UPP2: variants seen among roughly 807,000 people sequenced by gnomAD.
The protein encoded by UPP2 is uridine phosphorylase 2.
Under a neutral mutation model 26.7 loss-of-function variants are expected in UPP2, and 23 were observed. The ratio of observed to expected loss-of-function variants is 0.86; its 90% CI spans 0.62 to 1.22. The LOEUF (loss-of-function observed/expected upper bound fraction) is 1.22. Among genes scored for constraint, UPP2 ranks in the 50% most tolerant of loss-of-function variants. The probability of loss-of-function intolerance (pLI) is 0.00; values close to 1 mark genes in which losing one functional copy is unlikely to be tolerated. For synonymous variants in UPP2, 127 were observed against 141.3 expected (o/e 0.90, Z 0.72); for missense variants, 387 against 396.7 (o/e 0.98, Z 0.21).
chr2:158,017,966 C>A (rs4664919), intron 3 of UPP2, among the ~76,000 whole-genome samples: 73,509 of 152,124 alleles, frequency 0.48, 20,580 homozygotes, highest in Admixed American at 0.68. Context: ...TATGCATACA[C>A]AATGAATACA....
At chr2:158,103,154 A>G (rs1022453404) in intron 1 of UPP2, among the ~76,000 whole-genome samples, 6 of 152,172 alleles carry the variant, frequency 3.9e-5, no homozygotes, top group Non-Finnish European at 8.8e-5. Context: ...ATCCCAAACA[A>G]GTTTTTTCTT....
intron 3 of UPP2, among the ~76,000 whole-genome samples, chr2:158,047,220 G>A (rs184697284): frequency 5.3e-5 from 8 of 152,252 alleles, no homozygotes; most frequent in Admixed American, 5.2e-4. Flanking sequence ...TCTTTATCAG[G>A]AACTCCACAT....
intron 5 of UPP2, 88 bp from the exon 6 acceptor site, chr2:158,123,661 C>T (rs546469869): frequency 1.3e-5 from 19 of 1,483,284 alleles, no homozygotes; most frequent in East Asian, 1.1e-4. Context: ...ACAGCGGCAG[C>T]GTGCTCCAGC....
intron 2 of UPP2, among the ~76,000 whole-genome samples, chr2:158,109,859 T>C (rs1253036281): frequency 6.6e-6 from 1 of 152,164 alleles, no homozygotes; most frequent in Non-Finnish European, 1.5e-5. Flanking sequence ...AATTCTCCAC[T>C]CAAACAAAGC....
chr2:158,115,048 C>T (rs774231696), intron 2 of UPP2, 53 bp from the exon 3 acceptor site: 71 of 1,503,280 alleles, frequency 4.7e-5, no homozygotes, highest in Non-Finnish European at 5.5e-5. Context: ...GAAACTGACC[C>T]GTGGTTCTTA....
intron 3 of UPP2, among the ~76,000 whole-genome samples, chr2:158,083,378 A>G (rs1046734738): frequency 6.6e-6 from 1 of 152,180 alleles, no homozygotes; most frequent in Non-Finnish European, 1.5e-5. Flanking sequence ...TGCAGTCATT[A>G]AAAAAGATGA....
At position 158,121,577 on chromosome 2, in the gene UPP2, C is replaced by A. The variant is rs146951141; in HGVS notation, c.623C>A (p.Thr208Asn). The change falls in exon 5 of 7, where the codon ACC (threonine) becomes AAC (asparagine). Residue 208 changes from threonine to asparagine, a missense_variant. Physicochemically the swap from Thr to Asn is moderately conservative, Grantham distance 65 (BLOSUM62 0). Transcript: ENST00000005756. Reference sequence around the variant, plus strand: ...AGCAAAGAAATCCCCAACTTCCCAACCCTCGTTGGACATACAATGTGTACC... The same window carrying A: ...AGCAAAGAAATCCCCAACTTCCCAAACCTCGTTGGACATACAATGTGTACC... ...NCSKEIPNFP[T>N]LVGHTMCTYD... The A allele has an allele frequency of 1.7e-5, 27 of 1,613,498 alleles. 1 individual carries two copies. The African/African-American group carries it at 3.2e-4, about 19-fold the overall frequency.
At chr2:158,134,462 T>C (rs1282319513) in intron 6 of UPP2, among the ~76,000 whole-genome samples, 2 of 152,228 alleles carry the variant, frequency 1.3e-5, no homozygotes, top group African/African-American at 2.4e-5. Flanking sequence ...TTCTCCTTTA[T>C]CTTGAACATG....
chr2:158,079,613 C>T lies in UPP2; in HGVS notation c.148-22427C>T, dbSNP rs141362304. Among the ~76,000 whole-genome samples, 222 of 152,242 alleles carry T rather than the reference C, an allele frequency of 1.5e-3. 1 individual carries two copies. Among genetic ancestry groups the T allele is most frequent in the African/African-American group, 5.1e-3 (210 of 41,550 alleles). On this transcript the variant is annotated intron_variant, in intron 3 of 9. Coordinates refer to the UPP2 transcript ENST00000605860. ...ATTAAATCATACTAAACCCATTCCA[C>T]TTCATTCAATTATTTTCCCCACTCA...
At chr2:158,040,372 A>G (rs1684067414) in intron 3 of UPP2, among the ~76,000 whole-genome samples, 1 of 152,222 alleles carries the variant, frequency 6.6e-6, no homozygotes, top group South Asian at 2.1e-4. Context: ...TCATACATCT[A>G]GCATTACCAA....
intron 3 of UPP2, among the ~76,000 whole-genome samples, chr2:158,049,627 A>T (rs1034417945): frequency 4.6e-5 from 7 of 152,172 alleles, no homozygotes; most frequent in African/African-American, 1.7e-4. Flanking sequence ...GTCGGGGAGA[A>T]CAGGCAGCAG....
At chr2:158,005,394 A>G (rs1337289584) in intron 2 of UPP2, among the ~76,000 whole-genome samples, 1 of 152,194 alleles carries the variant, frequency 6.6e-6, no homozygotes, top group Non-Finnish European at 1.5e-5. Flanking sequence ...CTTCATTTAT[A>G]TTGTAAAGGG....
chr2:158,115,609 G>A (rs1683413159), intron 3 of UPP2, among the ~76,000 whole-genome samples: 1 of 152,130 alleles, frequency 6.6e-6, no homozygotes, highest in Non-Finnish European at 1.5e-5. Context: ...TTAGTACACA[G>A]AGGCTAATTT....
intron 3 of UPP2, among the ~76,000 whole-genome samples, chr2:158,058,183 C>T (rs1466586539): frequency 6.6e-6 from 1 of 151,752 alleles, no homozygotes; most frequent in Non-Finnish European, 1.5e-5. Flanking sequence ...GTCCCAGCTA[C>T]TCAGTAGGCT....
chr2:158,104,914 CTGAAAGGG>C (rs1324105397), intron 1 of UPP2, among the ~76,000 whole-genome samples: 2 of 126,568 alleles, frequency 1.6e-5, no homozygotes, highest in Non-Finnish European at 3.2e-5. Flanking sequence ...GAGCGAAACT[CTGAAAGGG>C]AAGGGAAGGG....
chr2:158,071,733 G>C (rs1682544437), intron 3 of UPP2, among the ~76,000 whole-genome samples: 1 of 152,000 alleles, frequency 6.6e-6, no homozygotes, highest in African/African-American at 2.4e-5. Context: ...GGACTAGAAG[G>C]GAACCCACTG....
At chr2:158,064,505 TAG>T (rs1399984345) in intron 3 of UPP2, among the ~76,000 whole-genome samples, 2 of 97,804 alleles carry the variant, frequency 2.0e-5, no homozygotes, top group African/African-American at 9.0e-5. Flanking sequence ...GTCAGATGGA[TAG>T]ATTGCAAAAT....
At chr2:158,076,550 C>T (rs1288543400) in intron 3 of UPP2, among the ~76,000 whole-genome samples, 1 of 151,950 alleles carries the variant, frequency 6.6e-6, no homozygotes, top group African/African-American at 2.4e-5. Flanking sequence ...ATCATATCAA[C>T]AGAATGAAGG....
At chr2:158,061,942 TC>T (rs1682358753) in intron 3 of UPP2, among the ~76,000 whole-genome samples, 1 of 152,252 alleles carries the variant, frequency 6.6e-6, no homozygotes, top group African/African-American at 2.4e-5. Flanking sequence ...GGCTCCTCTA[TC>T]CCAGCGACAG....
Sources: gnomAD v4.1 joint callset for allele counts (sites outside exome capture counted in the v4.1 genomes callset) on GRCh38, gnomAD v4.1.1 for gene constraint, MANE v1.5 for transcripts, NCBI Gene and HGNC (gene_info 2026-07-23, HGNC 2026-07-21) for gene names.